CDH12: variants seen among roughly 807,000 people sequenced by gnomAD.
CDH12 encodes the protein cadherin 12.
A neutral mutation model predicts 74.1 loss-of-function variants in CDH12; 41 were observed. That is an observed-to-expected ratio of 0.55 (90% CI 0.43 to 0.72). CDH12 has a LOEUF of 0.72. Among genes scored for constraint, CDH12 ranks in the 30% least tolerant of loss-of-function variants. The probability of loss-of-function intolerance (pLI) is 0.00; values close to 1 mark genes in which losing one functional copy is unlikely to be tolerated. For synonymous variants in CDH12, 399 were observed against 355.0 expected, an observed-to-expected ratio of 1.12 and a Z score of -1.39; for missense variants, 945 against 977.2, an observed-to-expected ratio of 0.97 and a Z score of 0.44.
intron 1 of CDH12, among the ~76,000 whole-genome samples, chr5:22,823,974 G>A (rs1749867792): frequency 6.6e-6 from 1 of 151,860 alleles, no homozygotes; most frequent in Admixed American, 6.6e-5. Flanking sequence ...ATAACCCAAA[G>A]GTGACATAAA....
chr5:22,202,110 C>T (rs1375502536), intron 4 of CDH12, among the ~76,000 whole-genome samples: 1 of 150,764 alleles, frequency 6.6e-6, no homozygotes, highest in Non-Finnish European at 1.5e-5. Flanking sequence ...CCTCCCTCTG[C>T]CCCTCCCTCC....
At chr5:22,266,325 G>A (rs1417214005) in intron 3 of CDH12, among the ~76,000 whole-genome samples, 6 of 151,730 alleles carry the variant, frequency 4.0e-5, no homozygotes, top group African/African-American at 9.7e-5. Context: ...TGCCCACCTC[G>A]GCCTCCCAAA....
intron 5 of CDH12, among the ~76,000 whole-genome samples, chr5:22,077,057 T>TGTGTGC (rs1443706066): frequency 2.0e-5 from 3 of 150,118 alleles, no homozygotes; most frequent in African/African-American, 7.4e-5. Flanking sequence ...AGTGTGTGTG[T>TGTGTGC]GTGTGTGTGT....
intron 2 of CDH12, among the ~76,000 whole-genome samples, chr5:22,405,800 G>C (rs925013647): frequency 2.0e-5 from 3 of 152,078 alleles, no homozygotes; most frequent in African/African-American, 7.2e-5. Context: ...TGGCAGACTT[G>C]GTTCCAGGAC....
intron 6 of CDH12, among the ~76,000 whole-genome samples, chr5:21,957,066 CCCTCCA>C (rs1302359519): frequency 1.3e-5 from 2 of 152,094 alleles, no homozygotes; most frequent in East Asian, 3.9e-4. Context: ...TCTCCTGTCA[CCCTCCA>C]CTCTCAAGTA....
At chr5:22,092,507 G>A (rs1743495212) in intron 4 of CDH12, among the ~76,000 whole-genome samples, 1 of 152,002 alleles carries the variant, frequency 6.6e-6, no homozygotes, top group African/African-American at 2.4e-5. Context: ...GCCCATGAAA[G>A]GACTGTCAAC....
chr5:22,271,915 T>C (rs1736418355), intron 3 of CDH12, among the ~76,000 whole-genome samples: 1 of 152,200 alleles, frequency 6.6e-6, no homozygotes. Flanking sequence ...AGAGTAGATT[T>C]AGCATAATTC....
intron 1 of CDH12, among the ~76,000 whole-genome samples, chr5:22,535,368 G>A (rs1481980439): frequency 6.6e-6 from 1 of 151,904 alleles, no homozygotes; most frequent in Admixed American, 6.6e-5. Flanking sequence ...GTGTTAGCCA[G>A]GATGGTCTCG....
Position 22,523,988 on chromosome 5 carries a change from T to A in CDH12, c.-522-18624A>T, listed in dbSNP as rs1393194135. Among the ~76,000 whole-genome samples the A allele has an allele frequency of 3.3e-3, 492 of 150,662 alleles. 3 individuals carry two copies. The highest frequency in any genetic ancestry group is 0.011 in the African/African-American group (472 of 41,270). On this transcript the variant is annotated intron_variant, in intron 1 of 14. Coordinates refer to ENST00000382254, the MANE Select transcript of CDH12 (RefSeq NM_004061.5). Reference sequence around the variant, plus strand: ...CATTCATTTATTATTATTATTTTTTTTTTTTTTTTTTGAGACAAGGTTTCA... The same window carrying A: ...CATTCATTTATTATTATTATTTTTTATTTTTTTTTTTGAGACAAGGTTTCA...
At chr5:22,437,571 A>AAATAAATG (rs1744456497) in intron 2 of CDH12, among the ~76,000 whole-genome samples, 1 of 151,462 alleles carries the variant, frequency 6.6e-6, no homozygotes, top group African/African-American at 2.4e-5. Context: ...ATAAATAAAT[A>AAATAAATG]AAAATAATTC....
intron 1 of CDH12, among the ~76,000 whole-genome samples, chr5:22,637,735 A>G (rs1738916117): frequency 6.6e-6 from 1 of 152,244 alleles, no homozygotes; most frequent in Non-Finnish European, 1.5e-5. Flanking sequence ...GCAATGGTTA[A>G]AAGTCTCAAT....
intron 3 of CDH12, among the ~76,000 whole-genome samples, chr5:22,304,383 T>G (rs544184364): frequency 2.1e-4 from 32 of 152,290 alleles, no homozygotes; most frequent in African/African-American, 7.7e-4. Context: ...CTTTCTCATT[T>G]GGTTATTAGT....
chr5:22,055,595 T>C (rs1205319818), intron 5 of CDH12, among the ~76,000 whole-genome samples: 1 of 152,178 alleles, frequency 6.6e-6, no homozygotes, highest in Non-Finnish European at 1.5e-5. Flanking sequence ...CTTAATTGAA[T>C]TGGATTATTC....
At chr5:22,109,265 G>T (rs1317792712) in intron 4 of CDH12, among the ~76,000 whole-genome samples, 1 of 152,062 alleles carries the variant, frequency 6.6e-6, no homozygotes, top group Non-Finnish European at 1.5e-5. Context: ...TGGAGCGAAG[G>T]GTAGGTCTAG....
intron 8 of CDH12, among the ~76,000 whole-genome samples, chr5:21,836,886 C>A (rs924909770): frequency 1.3e-5 from 2 of 151,896 alleles, no homozygotes; most frequent in African/African-American, 4.8e-5. Context: ...ACTTCAGTTA[C>A]CGCTCTTTTA....
intron 3 of CDH12, among the ~76,000 whole-genome samples, chr5:22,230,992 T>C (rs142104346): frequency 0.013 from 2,043 of 152,318 alleles, 23 homozygotes; most frequent in Non-Finnish European, 0.02. Flanking sequence ...CAATGCCATA[T>C]TCTTGTGACT....
intron 10 of CDH12, among the ~76,000 whole-genome samples, chr5:21,798,828 C>A (rs1047304871): frequency 6.6e-6 from 1 of 152,070 alleles, no homozygotes; most frequent in African/African-American, 2.4e-5. Context: ...GAAGCCACTC[C>A]ATCAACGGTA....
Position 22,545,050 on chromosome 5 carries a change from CTGTG to C in CDH12, c.-522-39690_-522-39687del, listed in dbSNP as rs551184377. 3.9e-3 allele frequency among the ~76,000 whole-genome samples: 597 copies of C among 152,260 alleles called. 4 individuals are homozygous for C. Among genetic ancestry groups the C allele is most frequent in the African/African-American group, 0.014 (566 of 41,558 alleles). ...CACTATTTATCAGCCACTCATCTGT[CTGTG>C]TAACACATAATTTAGTGATGGGTTT... On this transcript the variant is annotated intron_variant, in intron 1 of 14. Transcript: ENST00000382254.
At chr5:21,834,576 G>A (rs1749426444) in intron 8 of CDH12, among the ~76,000 whole-genome samples, 1 of 151,778 alleles carries the variant, frequency 6.6e-6, no homozygotes, top group Non-Finnish European at 1.5e-5. Context: ...AGAATTGTGA[G>A]AACTAAACTG....
Sources: allele counts gnomAD v4.1 joint callset (sites outside exome capture counted in the v4.1 genomes callset), GRCh38; gene constraint gnomAD v4.1.1; transcripts MANE v1.5; gene names NCBI Gene and HGNC (gene_info 2026-07-23, HGNC 2026-07-21).